TOP1MT: variants seen among roughly 807,000 people sequenced by gnomAD.
TOP1MT encodes the protein DNA topoisomerase I, mitochondrial.
TOP1MT carries 80 observed loss-of-function variants against 73.9 expected under a neutral mutation model. The observed-to-expected ratio is 1.08, with a 90% CI of 0.90 to 1.30. The LOEUF is 1.30. Among genes scored for constraint, TOP1MT ranks in the 50% most tolerant of loss-of-function variants. The pLI, the probability that TOP1MT is intolerant of heterozygous loss-of-function variation, is 0.00. For synonymous variants in TOP1MT, 338 were observed against 326.4 expected, an observed-to-expected ratio of 1.04 and a Z score of -0.38; for missense variants, 815 against 808.0, an observed-to-expected ratio of 1.01 and a Z score of -0.10.
At chr8:143,313,084 C>T (rs1048395247) in intron 12 of TOP1MT, among the ~76,000 whole-genome samples, 1 of 152,228 alleles carries the variant, frequency 6.6e-6, no homozygotes, top group Non-Finnish European at 1.5e-5. Flanking sequence ...GCCCTTCCCT[C>T]AGACCACACA....
At chr8:143,310,392 C>T (rs1413185486) in intron 12 of TOP1MT, 175 bp from the exon 13 acceptor site, 3 of 531,618 alleles carry the variant, frequency 5.6e-6, no homozygotes, top group Non-Finnish European at 9.6e-6. Flanking sequence ...AGCTCAGCCC[C>T]ACCCCAGCTG....
chr8:143,317,006 G>A (rs1474462565), intron 10 of TOP1MT, among the ~76,000 whole-genome samples: 2 of 152,216 alleles, frequency 1.3e-5, no homozygotes, highest in African/African-American at 4.8e-5. Flanking sequence ...GTTGTCCCCA[G>A]GGCAGCACAG....
At chr8:143,319,179 G>A (rs1163725870) in intron 8 of TOP1MT, among the ~76,000 whole-genome samples, 1 of 152,122 alleles carries the variant, frequency 6.6e-6, no homozygotes, top group Non-Finnish European at 1.5e-5. Flanking sequence ...CCTGAGGCCG[G>A]GCCCTGCCAG....
upstream of TOP1MT, among the ~76,000 whole-genome samples, chr8:143,339,850 C>G (rs532718840): frequency 3.1e-3 from 457 of 148,052 alleles, 1 homozygote; most frequent in African/African-American, 0.011. Flanking sequence ...CCCGTCCCAG[C>G]ACTGGTCTAC....
chr8:143,324,712 T>C (rs964870308), intron 5 of TOP1MT, 83 bp from the exon 6 acceptor site: 2 of 1,503,668 alleles, frequency 1.3e-6, no homozygotes, highest in Middle Eastern at 1.8e-4. Flanking sequence ...TGGTCAACCG[T>C]CCCACGTGGT....
intron 10 of TOP1MT, among the ~76,000 whole-genome samples, chr8:143,317,218 A>AGC (rs1418273703): frequency 6.6e-6 from 1 of 152,174 alleles, no homozygotes; most frequent in East Asian, 1.9e-4. Context: ...GAGCAGGGGC[A>AGC]GCGCCAGGGA....
At chr8:143,314,647 T>C (rs149277935) in intron 12 of TOP1MT, among the ~76,000 whole-genome samples, 2 of 148,306 alleles carry the variant, frequency 1.3e-5, no homozygotes, top group African/African-American at 5.0e-5. Flanking sequence ...AAACTGGCCA[T>C]GGGAAGGCGC....
rs142639386 is a variant in TOP1MT, at chr8:143,341,147, G to A, written c.29+2073C>T. 4.8e-3 allele frequency among the ~76,000 whole-genome samples: 725 copies of A among 152,256 alleles called. 7 individuals carry two copies. Among genetic ancestry groups the A allele is most frequent in the African/African-American group, 0.017 (695 of 41,552 alleles). ...CTAGCGTCCCCGCCACCCTCTTCTC[G>A]TGCTGCCGCCCCAGTGCATCTCCCC... is the stretch of plus-strand genomic sequence containing the variant. On this transcript the variant is annotated intron_variant, in intron 2 of 5. Coordinates refer to the TOP1MT transcript ENST00000518007. The surrounding 1 kb of genome is among the most constrained non-coding windows in gnomAD (Gnocchi z 4.1).
At chr8:143,349,179 CAG>C (rs1314790154), upstream of TOP1MT, among the ~76,000 whole-genome samples, 1 of 152,120 alleles carries the variant, frequency 6.6e-6, no homozygotes, top group East Asian at 1.9e-4. Flanking sequence ...CACACACAAA[CAG>C]AGAGAGAACG....
intron 1 of TOP1MT, among the ~76,000 whole-genome samples, 155 bp downstream of exon 1, chr8:143,334,585 C>T (rs532656959): frequency 6.6e-6 from 1 of 152,226 alleles, no homozygotes; most frequent in Admixed American, 6.5e-5. Flanking sequence ...AGGAGGCGGG[C>T]CGGTCACACC....
intron 11 of TOP1MT, 24 bp downstream of exon 11, chr8:143,315,974 TG>T: frequency 6.2e-7 from 1 of 1,613,962 alleles, no homozygotes; most frequent in Non-Finnish European, 8.5e-7. Flanking sequence ...AGGGCTGGGC[TG>T]GGGGCTCTCC....
At chr8:143,346,807 A>AC (rs1186796781), upstream of TOP1MT, among the ~76,000 whole-genome samples, 42 of 152,154 alleles carry the variant, frequency 2.8e-4, no homozygotes, top group Non-Finnish European at 5.9e-5. Context: ...CAGAAGATGA[A>AC]CTAGCGCACA....
Position 143,331,205 on chromosome 8 carries a change from C to A in TOP1MT, c.238+19G>T. The A allele has an allele frequency of 6.3e-7, 1 of 1,575,928 alleles. No homozygotes were observed. The highest frequency in any genetic ancestry group is 1.7e-5 in the Admixed American group (1 of 58,306). On this transcript the variant is annotated intron_variant, in intron 2 of 13. Coordinates refer to ENST00000329245, the MANE Select transcript of TOP1MT (RefSeq NM_052963.3). Reference sequence around the variant, plus strand: ...GAACCAAGCGCAGGCTGGGGAGGAGCCGCTCCCTGCATCCTTACCTTCATA... The same window carrying A: ...GAACCAAGCGCAGGCTGGGGAGGAGACGCTCCCTGCATCCTTACCTTCATA...
chr8:143,353,833 G>A (rs1337263322), intron 1 of TOP1MT, among the ~76,000 whole-genome samples: 1 of 151,328 alleles, frequency 6.6e-6, no homozygotes, highest in Non-Finnish European at 1.5e-5. Context: ...GCGTGGTGGC[G>A]GGTGCCTGTA....
chr8:143,351,100 C>A (rs1817312539), intron 1 of TOP1MT, among the ~76,000 whole-genome samples: 1 of 152,198 alleles, frequency 6.6e-6, no homozygotes, highest in Admixed American at 6.5e-5. Flanking sequence ...CTGCCTTCAG[C>A]AAGAACCCCT....
rs577738110 is a variant in TOP1MT, at chr8:143,317,487, C to T, written c.1330+236G>A. On this transcript the variant is annotated intron_variant, in intron 10 of 13. Transcript: ENST00000329245. ...CTGAGTAGGGCTCAGCAGTAGGGGC[C>T]GCCCCGCAGGGAGAACGTGGCTGGG... Among the ~76,000 whole-genome samples the T allele has an allele frequency of 2.2e-4, 33 of 152,326 alleles. No individual in the cohort carries two copies. The South Asian group carries it at 5.6e-3, about 26-fold the overall frequency.
chr8:143,321,952 C>G (rs1586758236), intron 7 of TOP1MT, among the ~76,000 whole-genome samples: 20 of 125,738 alleles, frequency 1.6e-4, no homozygotes, highest in African/African-American at 5.6e-4. Context: ...ACGCCACACA[C>G]GCACGCCACA....
Position 143,344,544 on chromosome 8 carries a change from A to C in TOP1MT, c.-39+372T>G, listed in dbSNP as rs1817186018. The C allele has an allele frequency of 6.6e-6, 1 of 152,002 alleles. No individual in the cohort carries two copies. The highest frequency in any genetic ancestry group is 1.5e-5 in the Non-Finnish European group (1 of 68,190). 9.4% of individuals were successfully genotyped at this position (152,002 alleles called of 1,614,324 possible). A position where few individuals can be genotyped will look rare whatever the true frequency, so the allele number is the denominator to read the frequency against. On this transcript the variant is annotated intron_variant, in intron 1 of 5. Transcript: ENST00000518007. This position sits in a 1 kb window ranked among gnomAD's most constrained non-coding sequence, Gnocchi z 4.6. ...ACAAAGGCAAGCCTCCCCACTCCCCAGCCACTCCCTTACTCAGTGAGGACC... is the reference window on the plus strand; with the variant it reads ...ACAAAGGCAAGCCTCCCCACTCCCCCGCCACTCCCTTACTCAGTGAGGACC...
At chr8:143,322,389 G>A (rs1350876378) in intron 7 of TOP1MT, among the ~76,000 whole-genome samples, 3 of 59,976 alleles carry the variant, frequency 5.0e-5, no homozygotes, top group Non-Finnish European at 6.6e-5. Context: ...ACACACGCAC[G>A]CCACACACAT....
Sources: gnomAD v4.1 joint callset for allele counts (sites outside exome capture counted in the v4.1 genomes callset) on GRCh38, gnomAD v4.1.1 for gene constraint, Gnocchi (gnomAD v3.1) non-coding constraint, MANE v1.5 for transcripts, NCBI Gene and HGNC (gene_info 2026-07-23, HGNC 2026-07-21) for gene names.